CCDC68: variants seen among roughly 807,000 people sequenced by gnomAD.
The protein encoded by CCDC68 is coiled-coil domain containing 68, also known as coiled-coil domain-containing protein 68.
CCDC68 carries 45 observed loss-of-function variants against 47.1 expected under a neutral mutation model. The observed-to-expected ratio is 0.96, with a 90% CI of 0.75 to 1.23. The LOEUF (loss-of-function observed/expected upper bound fraction) is 1.23, where lower values mean the gene tolerates loss of function less well. Among genes scored for constraint, CCDC68 ranks in the 50% most tolerant of loss-of-function variants. The pLI is 0.00. For synonymous variants in CCDC68, 131 were observed against 129.5 expected (o/e 1.01, Z -0.08); for missense variants, 353 against 373.6 (o/e 0.94, Z 0.45).
In CCDC68 at chr18:54,955,972, C is replaced by A. The variant is rs112611856; in HGVS notation, c.-103+3364G>T. ...CTCCTGACCTCAGGTGATCCACCTG[C>A]CTCAGCCTCCCAAATTGCTGGGGAA... is the stretch of plus-strand genomic sequence containing the variant. On this transcript the variant is annotated intron_variant, in intron 1 of 11. Coordinates refer to ENST00000591504, the MANE Select transcript of CCDC68 (RefSeq NM_025214.3). 4.2e-3 allele frequency among the ~76,000 whole-genome samples: 640 copies of A among 150,824 alleles called. 7 individuals are homozygous for A. The highest frequency in any genetic ancestry group is 0.014 in the African/African-American group (589 of 40,970).
At chr18:54,949,216 G>A (rs1227616670) in intron 1 of CCDC68, among the ~76,000 whole-genome samples, 1 of 152,124 alleles carries the variant, frequency 6.6e-6, no homozygotes, top group Non-Finnish European at 1.5e-5. Context: ...GGCTGGTCTT[G>A]AACTCCTGTG....
intron 1 of CCDC68, among the ~76,000 whole-genome samples, chr18:54,946,390 A>G (rs528640946): frequency 8.5e-5 from 13 of 152,318 alleles, no homozygotes; most frequent in Non-Finnish European, 1.6e-4. Flanking sequence ...CCAGTGGGAA[A>G]ATAGAGGCAA....
At chr18:54,918,431 G>C (rs545010080) in intron 9 of CCDC68, among the ~76,000 whole-genome samples, 1 of 152,212 alleles carries the variant, frequency 6.6e-6, no homozygotes, top group Non-Finnish European at 1.5e-5. Flanking sequence ...TTTGCCAAGA[G>C]GCAATGTGGA....
At chr18:54,933,315 TC>T (rs1568149807) in intron 7 of CCDC68, among the ~76,000 whole-genome samples, 1 of 152,066 alleles carries the variant, frequency 6.6e-6, no homozygotes, top group Non-Finnish European at 1.5e-5. Flanking sequence ...CTCTTTGACT[TC>T]ATGATCTGCC....
At chr18:54,919,437 G>T in intron 8 of CCDC68, 61 bp from the exon 9 acceptor site, 1 of 1,339,732 alleles carries the variant, frequency 7.5e-7, no homozygotes, top group East Asian at 2.3e-5. Context: ...TCCATAGCTC[G>T]TCCTTACTGC....
intron 1 of CCDC68, among the ~76,000 whole-genome samples, chr18:54,958,585 TA>T (rs2145689332): frequency 6.6e-6 from 1 of 152,324 alleles, no homozygotes; most frequent in Non-Finnish European, 1.5e-5. Context: ...CACCTTCAGT[TA>T]TGTTCAGGGC....
rs1568135161 is a variant in CCDC68, at chr18:54,914,633, G to GA, written c.873+3279dup. ...AAAGTGAGACTCCATCTCAAAAAAA[G>GA]AAAAAAGAAAAAGAAAACACTGGCT... On this transcript the variant is annotated intron_variant, in intron 10 of 11. Transcript: ENST00000591504. Among the ~76,000 whole-genome samples, 3 of 151,722 alleles carry GA rather than the reference G, an allele frequency of 2.0e-5. No homozygotes were observed. The East Asian group carries it at 5.8e-4, about 29-fold the overall frequency.
intron 6 of CCDC68, among the ~76,000 whole-genome samples, chr18:54,935,519 A>G (rs72928882): frequency 0.14 from 21,243 of 152,158 alleles, 1,565 homozygotes; most frequent in Non-Finnish European, 0.16. Flanking sequence ...TTCACAGGGA[A>G]AAATAAGTGT....
chr18:54,928,367 C>A (rs947431331), intron 8 of CCDC68, among the ~76,000 whole-genome samples: 1 of 152,088 alleles, frequency 6.6e-6, no homozygotes, highest in Non-Finnish European at 1.5e-5. Context: ...TAAGGAGTAT[C>A]AGGAAACTGT....
intron 7 of CCDC68, among the ~76,000 whole-genome samples, chr18:54,932,181 C>A (rs2044275408): frequency 7.1e-6 from 1 of 140,860 alleles, no homozygotes; most frequent in African/African-American, 2.6e-5. Context: ...ATTTTTAAAC[C>A]AATTTGGTTT....
chr18:54,943,365 G>A (rs1383484728), intron 2 of CCDC68, among the ~76,000 whole-genome samples: 8 of 151,916 alleles, frequency 5.3e-5, no homozygotes, highest in Admixed American at 2.6e-4. Context: ...AGCATAGAGC[G>A]GAAAATAATA....
At chr18:54,927,919 C>T (rs562373338) in intron 8 of CCDC68, among the ~76,000 whole-genome samples, 55 of 152,126 alleles carry the variant, frequency 3.6e-4, no homozygotes, top group African/African-American at 1.1e-3. Context: ...CAGCAGGGAG[C>T]CTGTAGGGGG....
intron 9 of CCDC68, among the ~76,000 whole-genome samples, chr18:54,918,253 G>A (rs959370332): frequency 1.3e-5 from 2 of 152,222 alleles, no homozygotes; most frequent in Non-Finnish European, 2.9e-5. Flanking sequence ...TTCAGCAGGA[G>A]TGCGTCCTGT....
At chr18:54,946,354 G>C (rs2145610675) in intron 1 of CCDC68, among the ~76,000 whole-genome samples, 1 of 152,310 alleles carries the variant, frequency 6.6e-6, no homozygotes. Flanking sequence ...CTTTGGGTTG[G>C]GGCTTGGCAA....
chr18:54,941,986 C>T (rs1197221567), intron 3 of CCDC68, among the ~76,000 whole-genome samples: 3 of 152,112 alleles, frequency 2.0e-5, no homozygotes, highest in Admixed American at 1.3e-4. Flanking sequence ...TAAGTAGAGA[C>T]GGGATTTCTC....
intron 7 of CCDC68, among the ~76,000 whole-genome samples, chr18:54,931,865 A>G (rs1275687502): frequency 1.3e-5 from 2 of 152,186 alleles, no homozygotes; most frequent in East Asian, 3.8e-4. Context: ...ATGGCTATTT[A>G]CTGGAGCGGT....
chr18:54,910,785 G>A (rs111716521), intron 10 of CCDC68, among the ~76,000 whole-genome samples: 9 of 152,222 alleles, frequency 5.9e-5, no homozygotes, highest in East Asian at 1.9e-4. Context: ...GCTCTAACCC[G>A]AGCATGCACA....
intron 1 of CCDC68, chr18:54,958,123 C>G (rs185988238): frequency 2.0e-5 from 3 of 152,290 alleles, no homozygotes; most frequent in Admixed American, 6.5e-5. Context: ...GAGGAAAGAA[C>G]CTTCTTATGA....
intron 3 of CCDC68, 140 bp downstream of exon 3, chr18:54,942,535 G>T: frequency 3.5e-6 from 2 of 565,350 alleles, no homozygotes; most frequent in South Asian, 4.6e-5. Flanking sequence ...TTAAACTTCA[G>T]CTAGGAAGAC....
Sources: allele counts gnomAD v4.1 joint callset (sites outside exome capture counted in the v4.1 genomes callset), GRCh38; gene constraint gnomAD v4.1.1; transcripts MANE v1.5; gene names NCBI Gene and HGNC (gene_info 2026-07-23, HGNC 2026-07-21).